The following MYO16 variants were observed in gnomAD, a reference collection of about 807,000 sequenced individuals.
MYO16 encodes myosin XVI.
A neutral mutation model predicts 205.3 loss-of-function variants in MYO16; 94 were observed. The ratio of observed to expected loss-of-function variants is 0.46; its 90% CI spans 0.39 to 0.54. The LOEUF is 0.54. Among genes scored for constraint, MYO16 ranks in the 20% least tolerant of loss-of-function variants. MYO16 has a pLI of 0.00. For missense variants in MYO16, 2,315 were observed against 2,387.5 expected, an observed-to-expected ratio of 0.97 and a Z score of 0.63; for synonymous variants, 988 against 954.0, an observed-to-expected ratio of 1.04 and a Z score of -0.66.
intron 32 of MYO16, among the ~76,000 whole-genome samples, chr13:109,146,501 AG>A (rs1877336678): frequency 6.6e-6 from 1 of 152,160 alleles, no homozygotes; most frequent in African/African-American, 2.4e-5. Context: ...ATGTCAAATC[AG>A]CCAGGCATGG....
chr13:109,140,698 G>C lies in MYO16; in HGVS notation c.4486G>C (p.Asp1496His), dbSNP rs1877021982. 6.7e-7 allele frequency: 1 copy of C among 1,484,214 alleles called. No individual in the cohort carries two copies. The highest frequency in any genetic ancestry group is 8.9e-7 in the Non-Finnish European group (1 of 1,119,242). 91.9% of individuals were successfully genotyped at this position (1,484,214 alleles called of 1,614,324 possible). A position where few individuals can be genotyped will look rare whatever the true frequency, so the allele number is the denominator to read the frequency against. The change falls in exon 32 of 35, where the codon GAC becomes CAC. Residue 1496 changes from aspartate to histidine, a missense_variant. Physicochemically the swap from Asp to His is moderately conservative, Grantham distance 81. Around this residue, in one of 3 missense-constraint regions of MYO16, gnomAD observed 1,097 missense variants for 1,092.0 expected, o/e 1.00. Coordinates refer to ENST00000457511, the MANE Select transcript of MYO16 (RefSeq NM_001198950.3). This position sits in a 1 kb window ranked among gnomAD's most constrained non-coding sequence, Gnocchi z 8.0. ...PEDEAAGPPG[D>H]ACDIPPPFPN... Reference sequence around the variant, plus strand: ...GGACGAGGCGGCGGGGCCCCCAGGGGACGCGTGCGACATCCCGCCGCCCTT... The same window carrying C: ...GGACGAGGCGGCGGGGCCCCCAGGGCACGCGTGCGACATCCCGCCGCCCTT...
intron 2 of MYO16, among the ~76,000 whole-genome samples, chr13:108,697,439 C>T (rs1200539052): frequency 2.0e-5 from 3 of 152,168 alleles, no homozygotes; most frequent in Non-Finnish European, 4.4e-5. Flanking sequence ...CACGGGAGGA[C>T]ATTTCTTTTC....
intron 7 of MYO16, among the ~76,000 whole-genome samples, chr13:108,808,165 A>G (rs569442957): frequency 6.6e-6 from 1 of 152,228 alleles, no homozygotes; most frequent in African/African-American, 2.4e-5. Context: ...AGATGAAGCT[A>G]CTGACCTTTT....
intron 16 of MYO16, among the ~76,000 whole-genome samples, chr13:108,931,136 C>G (rs1882237535): frequency 6.6e-6 from 1 of 152,166 alleles, no homozygotes; most frequent in African/African-American, 2.4e-5. Context: ...GCTGTTTCAC[C>G]TGTTTTATAT....
intron 17 of MYO16, among the ~76,000 whole-genome samples, chr13:108,958,744 C>G (rs1566432552): frequency 1.3e-5 from 2 of 152,166 alleles, no homozygotes; most frequent in African/African-American, 4.8e-5. Context: ...AAGAAATGGT[C>G]TAAGACTTGA....
At chr13:109,151,152 C>G (rs189381016) in intron 32 of MYO16, among the ~76,000 whole-genome samples, 1 of 152,142 alleles carries the variant, frequency 6.6e-6, no homozygotes. Context: ...GATTAATCCC[C>G]AGATTAGCCT....
At chr13:108,740,543 CT>C (rs1884871267) in intron 4 of MYO16, among the ~76,000 whole-genome samples, 1 of 152,146 alleles carries the variant, frequency 6.6e-6, no homozygotes, top group Non-Finnish European at 1.5e-5. Context: ...CAGTCTGCCC[CT>C]ACTGAGGGGT....
At chr13:109,197,403 G>GT (rs1311885253) in intron 34 of MYO16, among the ~76,000 whole-genome samples, 26 of 151,560 alleles carry the variant, frequency 1.7e-4, no homozygotes, top group Admixed American at 6.6e-4. Flanking sequence ...TACCCCCAAG[G>GT]TTTTTTTTTA....
chr13:108,526,723 A>C, the MYO16 span, among the ~76,000 whole-genome samples: 1 of 152,190 alleles, frequency 6.6e-6, no homozygotes, highest in Non-Finnish European at 1.5e-5. Flanking sequence ...ACCAAATTTG[A>C]ACTTTTGTCA....
At chr13:108,539,530 C>A in the MYO16 span, among the ~76,000 whole-genome samples, 3 of 152,086 alleles carry the variant, frequency 2.0e-5, no homozygotes, top group Non-Finnish European at 4.4e-5. Flanking sequence ...CCCTGTGGGA[C>A]AAATAACTTA....
chr13:108,976,264 A>ATCTC (rs148261323), intron 20 of MYO16, among the ~76,000 whole-genome samples: 3 of 151,104 alleles, frequency 2.0e-5, no homozygotes, highest in Non-Finnish European at 4.4e-5. Context: ...GTGAAGTTTT[A>ATCTC]TCTCTCTCTC....
At chr13:108,826,242 G>C (rs1876257338) in intron 9 of MYO16, among the ~76,000 whole-genome samples, 1 of 152,026 alleles carries the variant, frequency 6.6e-6, no homozygotes, top group Admixed American at 6.6e-5. Flanking sequence ...CAACAGAATA[G>C]AACTGAGAAT....
At chr13:109,001,630 G>A (rs889663444) in intron 21 of MYO16, among the ~76,000 whole-genome samples, 1 of 152,094 alleles carries the variant, frequency 6.6e-6, no homozygotes, top group Non-Finnish European at 1.5e-5. Flanking sequence ...TGTACCTGCC[G>A]TTTCATAGGC....
In MYO16 at chr13:108,727,478, G is replaced by A. The variant is rs187285232; in HGVS notation, c.402G>A (p.Leu134=). 6.3e-5 allele frequency: 102 copies of A among 1,613,824 alleles called. No homozygotes were observed. In the East Asian group the frequency reaches 2.3e-3, roughly 36 times the overall value. The change falls in exon 4 of 35, where the codon CTG becomes CTA. Residue 134 remains leucine, a synonymous_variant. Transcript: ENST00000457511. ...ATAATGCCTTCATTGCAGAAATTCT[G>A]ATTGACAGAGGAGTCAACGTCAACC... The part of the protein sequence containing the change: ...RYDNAFIAEI[L]IDRGVNVNHQ...
intron 1 of MYO16, among the ~76,000 whole-genome samples, chr13:108,636,365 T>TGTGTG (rs1439881419): frequency 3.7e-4 from 24 of 64,928 alleles, no homozygotes; most frequent in Non-Finnish European, 5.0e-4. Context: ...TTTTTTTTTT[T>TGTGTG]TTTTTGTGTG....
At chr13:109,106,325 T>G (rs929013913) in intron 28 of MYO16, among the ~76,000 whole-genome samples, 1 of 152,242 alleles carries the variant, frequency 6.6e-6, no homozygotes, top group African/African-American at 2.4e-5. Context: ...TCTGAACATA[T>G]GCATTTTAAA....
At chr13:109,097,719 A>C (rs776635892) in intron 27 of MYO16, among the ~76,000 whole-genome samples, 12 of 152,186 alleles carry the variant, frequency 7.9e-5, no homozygotes, top group Non-Finnish European at 2.9e-5. Context: ...CTGCAAATTC[A>C]GTCTCAGTTA....
chr13:108,559,212 G>A, the MYO16 span, among the ~76,000 whole-genome samples: 1 of 152,100 alleles, frequency 6.6e-6, no homozygotes, highest in Admixed American at 6.5e-5. Flanking sequence ...CACAGAGAGG[G>A]AAGAGTGTGT....
At chr13:108,890,344 ATCT>A (rs1035090805) in intron 14 of MYO16, among the ~76,000 whole-genome samples, 1 of 152,104 alleles carries the variant, frequency 6.6e-6, no homozygotes, top group Non-Finnish European at 1.5e-5. Context: ...CTGTGGAGTC[ATCT>A]TCTCACATGG....
Sources: allele counts gnomAD v4.1 joint callset (sites outside exome capture counted in the v4.1 genomes callset), GRCh38; gene constraint gnomAD v4.1.1; regional missense constraint gnomAD v4.1.1; non-coding constraint Gnocchi (gnomAD v3.1); transcripts MANE v1.5; gene names NCBI Gene and HGNC (gene_info 2026-07-23, HGNC 2026-07-21).